Variants in RTTN observed in about 807,000 individuals in gnomAD.
RTTN encodes the protein rotatin.
In RTTN, 182 loss-of-function variants were observed where a neutral mutation model predicts 269.2. That is an observed-to-expected ratio of 0.68 (90% CI 0.60 to 0.76). RTTN has a LOEUF of 0.76. Among genes scored for constraint, RTTN ranks in the 30% least tolerant of loss-of-function variants. The pLI is 0.00. For missense variants in RTTN, 2,545 were observed against 2,608.6 expected (o/e 0.98, Z 0.53); for synonymous variants, 1,006 against 963.5 (o/e 1.04, Z -0.82).
Position 70,150,736 on chromosome 18 carries a change from G to T in RTTN, c.1930-3C>A, listed in dbSNP as rs1348195062. On this transcript the variant is annotated splice_region_variant and splice_polypyrimidine_tract_variant and intron_variant, in intron 14 of 48. Coordinates refer to ENST00000640769, the MANE Select transcript of RTTN (RefSeq NM_173630.4). Reference sequence around the variant, plus strand: ...ACATTATGGACACCTAAACATTCCTGTAAAATAATATTAAAAAGTATTTTT... The same window carrying T: ...ACATTATGGACACCTAAACATTCCTTTAAAATAATATTAAAAAGTATTTTT... The T allele has an allele frequency of 1.3e-6, 2 of 1,560,920 alleles. No homozygotes were observed. Among genetic ancestry groups the T allele is most frequent in the Non-Finnish European group, 1.7e-6 (2 of 1,150,852 alleles).
At chr18:70,128,274 T>C in intron 24 of RTTN, 84 bp downstream of exon 24, 1 of 1,114,604 alleles carries the variant, frequency 9.0e-7, no homozygotes, top group East Asian at 2.6e-5. Context: ...AAAAAGCTAC[T>C]GGACCTAAGG....
chr18:70,063,602 G>A (rs2058050731), intron 35 of RTTN, among the ~76,000 whole-genome samples: 1 of 151,866 alleles, frequency 6.6e-6, no homozygotes, highest in Non-Finnish European at 1.5e-5. Context: ...AATAAAAATG[G>A]AAAAAATTAA....
At chr18:70,155,578 AGACCCCAT>A in intron 14 of RTTN, among the ~76,000 whole-genome samples, 1 of 152,326 alleles carries the variant, frequency 6.6e-6, no homozygotes, top group Admixed American at 6.5e-5. Flanking sequence ...TAACTATGGG[AGACCCCAT>A]GACCTGCACA....
Position 70,138,346 on chromosome 18 carries a change from T to C in RTTN, c.2788+1253A>G, listed in dbSNP as rs1298130089. 2.6e-5 allele frequency: 4 copies of C among 152,296 alleles called. No individual in the cohort carries two copies. The East Asian group carries it at 7.7e-4, about 29-fold the overall frequency. 9.4% of individuals were successfully genotyped at this position (152,296 alleles called of 1,614,324 possible). A position where few individuals can be genotyped will look rare whatever the true frequency, so the allele number is the denominator to read the frequency against. On this transcript the variant is annotated intron_variant, in intron 21 of 48. Coordinates refer to ENST00000640769, the MANE Select transcript of RTTN (RefSeq NM_173630.4). ...AAATCCATTAATGGAGGATACTATA[T>C]TCATTCTCAAACTCATTGAAAGTAA...
Position 70,205,253 on chromosome 18 carries a change from T to C in RTTN, c.94A>G (p.Asn32Asp). The stretch of plus-strand genomic sequence containing the variant: ...ATGAGATCAGCGTAGCAGATTAAGT[T>C]GTGCTCAATCTTGCAGAGAATACTC... ...LKSILCKIEH[N>D]LICYADLIQE... Residue 32 changes from asparagine to aspartate, a missense_variant, in exon 2 of 49, where the codon AAC (asparagine) becomes GAC (aspartate). Transcript: ENST00000640769. 1.2e-6 allele frequency: 2 copies of C among 1,614,196 alleles called. No individual in the cohort carries two copies. The highest frequency in any genetic ancestry group is 1.7e-6 in the Non-Finnish European group (2 of 1,180,022).
chr18:70,032,750 G>C (rs2057054197), intron 40 of RTTN, among the ~76,000 whole-genome samples: 1 of 152,130 alleles, frequency 6.6e-6, no homozygotes, highest in Non-Finnish European at 1.5e-5. Flanking sequence ...ACACCCCATT[G>C]ACAGTATTAG....
chr18:70,156,361 G>A (rs1031388595), intron 14 of RTTN, among the ~76,000 whole-genome samples: 2 of 152,138 alleles, frequency 1.3e-5, no homozygotes, highest in Non-Finnish European at 2.9e-5. Flanking sequence ...TTACTAGGAA[G>A]AGGAAATTCC....
intron 22 of RTTN, among the ~76,000 whole-genome samples, 174 bp from the exon 23 acceptor site, chr18:70,134,715 A>G (rs1310537595): frequency 6.6e-6 from 1 of 152,166 alleles, no homozygotes; most frequent in Non-Finnish European, 1.5e-5. Flanking sequence ...GCTTATGAAG[A>G]GTAAATTATG....
intron 48 of RTTN, 45 bp from the exon 49 acceptor site, chr18:70,004,281 T>G: frequency 7.3e-7 from 1 of 1,372,904 alleles, no homozygotes; most frequent in Non-Finnish European, 1.0e-6. Flanking sequence ...TTTATGAAAC[T>G]TGGTACTATA....
intron 1 of RTTN, 100 bp from the exon 2 acceptor site, chr18:70,205,415 T>C: frequency 6.7e-7 from 1 of 1,499,438 alleles, no homozygotes; most frequent in Non-Finnish European, 9.1e-7. Flanking sequence ...AATAAACCAG[T>C]TTTTTTCAGA....
At chr18:70,085,340 A>T (rs555287044) in intron 32 of RTTN, among the ~76,000 whole-genome samples, 15 of 152,220 alleles carry the variant, frequency 9.9e-5, no homozygotes, top group Admixed American at 7.9e-4. Context: ...TGGTAGGGTT[A>T]CCCTGGGTTT....
intron 14 of RTTN, among the ~76,000 whole-genome samples, chr18:70,156,870 G>A (rs1361461764): frequency 6.6e-6 from 1 of 152,152 alleles, no homozygotes; most frequent in East Asian, 1.9e-4. Context: ...AGAAAGAGCA[G>A]GGCTATCTTT....
chr18:70,059,751 G>A lies in RTTN; in HGVS notation c.4940+99C>T, dbSNP rs116200320. On this transcript the variant is annotated intron_variant, in intron 36 of 48. Transcript: ENST00000640769. ...AATGAGCCTAAAAAAGAATAAAGCT[G>A]TATTTCCAGGTCACAAGAAATCTTG... 173 of 781,580 alleles carry A rather than the reference G, an allele frequency of 2.2e-4. 1 individual carries two copies. In the African/African-American group the frequency reaches 2.8e-3, roughly 13 times the overall value. The allele number at this position is 781,580 out of a possible 1,614,324, so 48.4% of individuals were successfully genotyped here. A position where few individuals can be genotyped will look rare whatever the true frequency, so the allele number is the denominator to read the frequency against.
At chr18:70,074,132 A>C in intron 33 of RTTN, 138 bp from the exon 34 acceptor site, 2 of 470,544 alleles carry the variant, frequency 4.3e-6, no homozygotes, top group East Asian at 3.7e-5. Flanking sequence ...TCTGAGATAG[A>C]CCACTATTTA....
At chr18:70,100,061 A>G (rs893435799) in intron 28 of RTTN, among the ~76,000 whole-genome samples, 2 of 152,204 alleles carry the variant, frequency 1.3e-5, no homozygotes, top group African/African-American at 2.4e-5. Context: ...TTGGCAATGC[A>G]GGCTCTTTTT....
At chr18:70,184,718 G>T (rs8098764) in intron 10 of RTTN, among the ~76,000 whole-genome samples, 5,093 of 25,928 alleles carry the variant, frequency 0.2, 289 homozygotes, top group East Asian at 0.27. Context: ...TTTTTTTTTT[G>T]TGTGTGTGTG....
In RTTN at chr18:70,205,282, A is replaced by G. The variant is rs758646688; in HGVS notation, c.65T>C (p.Leu22Pro). The stretch of plus-strand genomic sequence containing the variant: ...CTCAATCTTGCAGAGAATACTCTTG[A>G]GAGCGCGCTCCCTGATCTCGGCCAG... ...HQLAEIRERALKSILCKIEHN... is the reference protein window; with the variant it reads ...HQLAEIRERAPKSILCKIEHN... Residue 22 changes from leucine to proline, a missense_variant, in exon 2 of 49, where the codon CTC (leucine) becomes CCC (proline). Transcript: ENST00000640769. 16 of 1,614,116 alleles carry G rather than the reference A, an allele frequency of 9.9e-6. No individual in the cohort carries two copies. The highest frequency in any genetic ancestry group is 1.4e-5 in the Non-Finnish European group (16 of 1,180,050).
chr18:70,028,636 C>A (rs2056920943), intron 43 of RTTN, 88 bp downstream of exon 43: 1 of 713,692 alleles, frequency 1.4e-6, no homozygotes, highest in Admixed American at 2.9e-5. Context: ...CAGAGCTTTC[C>A]ATTTTTCCTA....
intron 18 of RTTN, among the ~76,000 whole-genome samples, chr18:70,142,877 T>C (rs1032802322): frequency 1.3e-5 from 2 of 151,952 alleles, no homozygotes; most frequent in Non-Finnish European, 2.9e-5. Flanking sequence ...ATACAAAAAT[T>C]AGCTGGGTGT....
Sources: allele counts gnomAD v4.1 joint callset (sites outside exome capture counted in the v4.1 genomes callset), GRCh38; gene constraint gnomAD v4.1.1; transcripts MANE v1.5; gene names NCBI Gene and HGNC (gene_info 2026-07-23, HGNC 2026-07-21).